SYNPO2: variants seen among roughly 807,000 people sequenced by gnomAD.
SYNPO2 encodes synaptopodin 2, also known as synaptopodin-2.
A neutral mutation model predicts 85.0 loss-of-function variants in SYNPO2; 56 were observed. That is an observed-to-expected ratio of 0.66 (90% CI 0.53 to 0.82). The LOEUF (loss-of-function observed/expected upper bound fraction) is 0.82. Ranked by LOEUF, SYNPO2 falls within the 40% of genes least tolerant of loss-of-function variation. The pLI, the probability that SYNPO2 is intolerant of heterozygous loss-of-function variation, is 0.00. For synonymous variants in SYNPO2, 602 were observed against 591.1 expected, an observed-to-expected ratio of 1.02 and a Z score of -0.27; for missense variants, 1,575 against 1,534.2, an observed-to-expected ratio of 1.03 and a Z score of -0.44.
intron 4 of SYNPO2, chr4:119,037,344 A>C: frequency 1.6e-6 from 2 of 1,254,418 alleles, no homozygotes; most frequent in Non-Finnish European, 2.0e-6. Context: ...TGAGTTGAAA[A>C]AATTTCAAAA....
At chr4:118,916,175 G>GT (rs535415722) in intron 1 of SYNPO2, among the ~76,000 whole-genome samples, 2,186 of 141,756 alleles carry the variant, frequency 0.015, 34 homozygotes, top group East Asian at 0.069. Context: ...GGTTTTTTGG[G>GT]TTTTTTTTTT....
rs770264762 is a variant in SYNPO2 at position 119,027,120 on chromosome 4, G to C, written c.751G>C (p.Asp251His). ...TTCGATCCCTACTAATGAGAAAGCA[G>C]ACCCTTTCCTGAGGTCCAGCAAGAT... ...INSIPTNEKA[D>H]PFLRSSKIIQ... The change falls in exon 3 of 5, where the codon GAC (aspartate) becomes CAC (histidine). Residue 251 changes from aspartate (D) to histidine (H), a missense_variant. Asp to His is a moderately conservative substitution (Grantham distance 81). Coordinates refer to ENST00000307142, the MANE Select transcript of SYNPO2 (RefSeq NM_133477.3). 8 of 1,614,032 alleles carry C rather than the reference G, an allele frequency of 5.0e-6. No homozygotes were observed. In the East Asian group the frequency reaches 1.8e-4, roughly 36 times the overall value.
chr4:119,005,236 A>G (rs948644538), intron 1 of SYNPO2, among the ~76,000 whole-genome samples: 2 of 151,968 alleles, frequency 1.3e-5, no homozygotes, highest in African/African-American at 4.8e-5. Context: ...GTTTAATTAG[A>G]TCCCATTTGT....
chr4:119,037,049 G>T, intron 4 of SYNPO2: 1 of 1,455,910 alleles, frequency 6.9e-7, no homozygotes, highest in Non-Finnish European at 9.1e-7. Flanking sequence ...AAAGCTCCTT[G>T]TGTTTACCTC....
intron 1 of SYNPO2, among the ~76,000 whole-genome samples, chr4:118,873,983 C>T (rs1456976279): frequency 7.0e-6 from 1 of 142,768 alleles, no homozygotes; most frequent in Non-Finnish European, 1.6e-5. Context: ...TCCTTTTCCC[C>T]AGTGTATGTT....
At chr4:118,924,475 G>A (rs1020462584) in intron 1 of SYNPO2, among the ~76,000 whole-genome samples, 1 of 152,040 alleles carries the variant, frequency 6.6e-6, no homozygotes, top group Non-Finnish European at 1.5e-5. Flanking sequence ...TCTGTACATC[G>A]GCAACACAGA....
chr4:119,042,964 T>C (rs779453722), intron 4 of SYNPO2: 1 of 152,208 alleles, frequency 6.6e-6, no homozygotes, highest in Non-Finnish European at 1.5e-5. Context: ...TTATAAATGA[T>C]GGGTTAATGC....
intron 1 of SYNPO2, among the ~76,000 whole-genome samples, chr4:119,000,565 C>T (rs1736787672): frequency 6.6e-6 from 1 of 152,136 alleles, no homozygotes; most frequent in African/African-American, 2.4e-5. Context: ...GCTATAGTTG[C>T]TCACATTACA....
At chr4:119,048,428 G>A (rs1217926271) in intron 4 of SYNPO2, among the ~76,000 whole-genome samples, 1 of 152,120 alleles carries the variant, frequency 6.6e-6, no homozygotes, top group African/African-American at 2.4e-5. Flanking sequence ...GAAGCCTTAA[G>A]GAAACAAAAA....
intron 1 of SYNPO2, among the ~76,000 whole-genome samples, chr4:119,000,646 C>A (rs1218332082): frequency 6.6e-6 from 1 of 152,206 alleles, no homozygotes; most frequent in Non-Finnish European, 1.5e-5. Context: ...CACCTTCATA[C>A]CATGGCCATA....
intron 1 of SYNPO2, among the ~76,000 whole-genome samples, chr4:118,983,245 C>T (rs1313631369): frequency 6.6e-6 from 1 of 152,112 alleles, no homozygotes. Context: ...TACCTCCACC[C>T]TTTTCTTTTC....
intron 1 of SYNPO2, among the ~76,000 whole-genome samples, chr4:118,868,269 T>C (rs56055826): frequency 1.3e-5 from 2 of 152,128 alleles, no homozygotes; most frequent in African/African-American, 4.8e-5. Context: ...TTGGATTTTT[T>C]AAAATGCATT....
chr4:118,968,095 C>T (rs1350986475), intron 1 of SYNPO2, among the ~76,000 whole-genome samples: 1 of 152,152 alleles, frequency 6.6e-6, no homozygotes, highest in African/African-American at 2.4e-5. Context: ...AGAATTTGCT[C>T]TGGGATTTCA....
At chr4:118,933,815 TTGC>T (rs142675635) in intron 1 of SYNPO2, among the ~76,000 whole-genome samples, 2 of 99,416 alleles carry the variant, frequency 2.0e-5, no homozygotes, top group African/African-American at 3.3e-5. Context: ...TAGCTGCTTT[TTGC>T]TGTTGTTGTT....
rs137944335 is a variant in SYNPO2, at chr4:118,879,328, C to T, written c.12+28388C>T. ...GTTAGAGCTTCCTTTTCCCTAGGCT[C>T]TGGGGAACTGAACGTTTTTGTCTCC... On this transcript the variant is annotated intron_variant, in intron 1 of 4. Transcript: ENST00000610556. Among the ~76,000 whole-genome samples, 7 of 152,324 alleles carry T rather than the reference C, an allele frequency of 4.6e-5. No homozygotes were observed. The South Asian group carries it at 1.2e-3, about 27-fold the overall frequency.
At chr4:118,854,102 A>C (rs557627115) in intron 1 of SYNPO2, among the ~76,000 whole-genome samples, 1 of 152,354 alleles carries the variant, frequency 6.6e-6, no homozygotes, top group East Asian at 1.9e-4. Context: ...CTAATGATAA[A>C]AGTGTCACTT....
At chr4:118,988,301 A>G (rs1190013309) in intron 1 of SYNPO2, among the ~76,000 whole-genome samples, 1 of 151,792 alleles carries the variant, frequency 6.6e-6, no homozygotes, top group Admixed American at 6.6e-5. Flanking sequence ...TATGAAAACC[A>G]ATAATTTAGT....
chr4:119,050,209 G>A lies in SYNPO2; in HGVS notation c.3253-7192G>A, dbSNP rs150581005. Among the ~76,000 whole-genome samples, 1,154 of 152,070 alleles carry A rather than the reference G, an allele frequency of 7.6e-3. 19 individuals are homozygous for A. Among genetic ancestry groups the A allele is most frequent in the African/African-American group, 0.026 (1,080 of 41,448 alleles). On this transcript the variant is annotated intron_variant, in intron 4 of 4. Transcript: ENST00000307142. ...TAGCCAACCATAGTGGTAGGCACCT[G>A]TAATGCCAGCTACTCAGGAGGCTGA... is the stretch of plus-strand genomic sequence containing the variant.
At chr4:118,877,308 T>A (rs1485258872) in intron 1 of SYNPO2, among the ~76,000 whole-genome samples, 2 of 151,930 alleles carry the variant, frequency 1.3e-5, no homozygotes. Context: ...CCAGGCAAAT[T>A]TCATGAGGAA....
Sources: allele counts gnomAD v4.1 joint callset (sites outside exome capture counted in the v4.1 genomes callset), GRCh38; gene constraint gnomAD v4.1.1; transcripts MANE v1.5; gene names NCBI Gene and HGNC (gene_info 2026-07-23, HGNC 2026-07-21).